The following CDIN1 variants were observed in gnomAD, a reference collection of about 807,000 sequenced individuals.
CDIN1 encodes CDAN1-interacting nuclease 1.
In CDIN1, 33 loss-of-function variants were observed where a neutral mutation model predicts 45.3. That is an observed-to-expected ratio of 0.73 (90% CI 0.55 to 0.97). The LOEUF is 0.97. Among genes scored for constraint, CDIN1 ranks in the 50% least tolerant of loss-of-function variants. The pLI, the probability that CDIN1 is intolerant of heterozygous loss-of-function variation, is 0.00. For missense variants in CDIN1, 303 were observed against 339.4 expected, an observed-to-expected ratio of 0.89 and a Z score of 0.84; for synonymous variants, 118 against 124.4, an observed-to-expected ratio of 0.95 and a Z score of 0.34.
chr15:36,783,672 C>T (rs112966232), intron 10 of CDIN1, among the ~76,000 whole-genome samples: 42 of 152,132 alleles, frequency 2.8e-4, no homozygotes, highest in African/African-American at 9.4e-4. Context: ...ACAGTAAACA[C>T]GGGAAACGTA....
intron 10 of CDIN1, among the ~76,000 whole-genome samples, chr15:36,727,446 T>C (rs1347105132): frequency 1.3e-5 from 2 of 151,834 alleles, no homozygotes; most frequent in African/African-American, 4.8e-5. Flanking sequence ...CTCTTTTCAG[T>C]GGAGTGATGG....
rs71468825 is a variant in CDIN1 at position 36,801,879 on chromosome 15, A to G, written c.717-6445A>G. On this transcript the variant is annotated intron_variant, in intron 10 of 10. Transcript: ENST00000566621. ...TAAATGTGGTGATACTTAAATTGAA[A>G]TAAGTAGCCAGATAAACTTTTTAGC... Among the ~76,000 whole-genome samples the G allele has an allele frequency of 2.1e-3, 325 of 152,338 alleles. 1 individual carries two copies. Among genetic ancestry groups the G allele is most frequent in the Middle Eastern group, 6.8e-3 (2 of 294 alleles).
chr15:36,595,668 G>A (rs1159002312), intron 1 of CDIN1, among the ~76,000 whole-genome samples: 1 of 152,190 alleles, frequency 6.6e-6, no homozygotes, highest in African/African-American at 2.4e-5. Flanking sequence ...CTGAAGCACT[G>A]AGGTTTGATG....
At chr15:36,722,303 A>ATCTC (rs5811928) in intron 10 of CDIN1, among the ~76,000 whole-genome samples, 1,417 of 140,736 alleles carry the variant, frequency 0.01, 15 homozygotes, top group East Asian at 0.031. Flanking sequence ...TTCTTTTGAG[A>ATCTC]TCTCTCTCTC....
chr15:36,611,724 C>T (rs889884639), intron 1 of CDIN1, among the ~76,000 whole-genome samples: 3 of 152,156 alleles, frequency 2.0e-5, no homozygotes, highest in African/African-American at 4.8e-5. Flanking sequence ...CGGAATCGAT[C>T]ATGTCTTGAA....
chr15:36,640,215 C>CA (rs977119140), intron 1 of CDIN1, among the ~76,000 whole-genome samples: 1 of 151,926 alleles, frequency 6.6e-6, no homozygotes, highest in African/African-American at 2.4e-5. Context: ...CTCTACATTT[C>CA]AAATTTGTGT....
chr15:36,598,120 A>T (rs1326188751), intron 1 of CDIN1, among the ~76,000 whole-genome samples: 1 of 152,086 alleles, frequency 6.6e-6, no homozygotes, highest in African/African-American at 2.4e-5. Flanking sequence ...GCTCCCAAGT[A>T]GTTGGGACTA....
chr15:36,752,855 A>T (rs554962928), intron 10 of CDIN1, among the ~76,000 whole-genome samples: 92 of 152,266 alleles, frequency 6.0e-4, no homozygotes, highest in African/African-American at 2.0e-3. Context: ...TGATTTTTTT[A>T]AAAAAGTCCC....
At chr15:36,643,324 T>G (rs1199247016) in intron 1 of CDIN1, among the ~76,000 whole-genome samples, 1 of 152,164 alleles carries the variant, frequency 6.6e-6, no homozygotes, top group African/African-American at 2.4e-5. Context: ...TATTTCACAT[T>G]CCCCAAATTA....
At chr15:36,684,562 A>T (rs558030223) in intron 5 of CDIN1, among the ~76,000 whole-genome samples, 10 of 152,260 alleles carry the variant, frequency 6.6e-5, no homozygotes, top group African/African-American at 1.9e-4. Context: ...TGTCTCTGCC[A>T]GGCTTTGGTA....
Position 36,621,966 on chromosome 15 carries a change from A to G in CDIN1, c.102-22312A>G, listed in dbSNP as rs186698001. 3.4e-4 allele frequency among the ~76,000 whole-genome samples: 51 copies of G among 151,246 alleles called. No homozygotes were observed. The East Asian group carries it at 8.6e-3, about 25-fold the overall frequency. ...TGAAATCCTTCAGTCTGCTGGATTT[A>G]GTGAGATCATAAATTAGCCTCATGG... On this transcript the variant is annotated intron_variant, in intron 1 of 10. Coordinates refer to ENST00000566621, the MANE Select transcript of CDIN1 (RefSeq NM_001321759.2).
At chr15:36,652,522 AG>A (rs2040612987) in intron 3 of CDIN1, among the ~76,000 whole-genome samples, 3 of 152,098 alleles carry the variant, frequency 2.0e-5, no homozygotes, top group Non-Finnish European at 4.4e-5. Context: ...CTTGTTTGTG[AG>A]AAATTGATGT....
chr15:36,648,741 A>C (rs1346593615), intron 3 of CDIN1: 2 of 152,150 alleles, frequency 1.3e-5, no homozygotes, highest in African/African-American at 4.8e-5. Flanking sequence ...CCAATGTTCT[A>C]TTATTGTAAA....
chr15:36,601,087 C>T (rs1566823817), intron 1 of CDIN1, among the ~76,000 whole-genome samples: 1 of 151,792 alleles, frequency 6.6e-6, no homozygotes, highest in East Asian at 1.9e-4. Flanking sequence ...GTAAAAGGTT[C>T]CTTTCAGAGT....
At chr15:36,628,986 C>G (rs903456720) in intron 1 of CDIN1, among the ~76,000 whole-genome samples, 6 of 152,124 alleles carry the variant, frequency 3.9e-5, no homozygotes, top group Non-Finnish European at 5.9e-5. Context: ...AGATGCTGAT[C>G]TTGAAAATTG....
chr15:36,622,737 C>A (rs910172294), intron 1 of CDIN1, among the ~76,000 whole-genome samples: 4 of 152,104 alleles, frequency 2.6e-5, no homozygotes, highest in African/African-American at 4.8e-5. Context: ...ATGGGCAGAC[C>A]CCAGGGTGAG....
intron 10 of CDIN1, among the ~76,000 whole-genome samples, chr15:36,784,703 A>C (rs2054443652): frequency 6.6e-6 from 1 of 151,992 alleles, no homozygotes; most frequent in South Asian, 2.1e-4. Context: ...TGCGTTATCC[A>C]ATCTTATCTC....
chr15:36,790,608 A>G (rs1301776026), intron 10 of CDIN1, among the ~76,000 whole-genome samples: 1 of 152,246 alleles, frequency 6.6e-6, no homozygotes, highest in Non-Finnish European at 1.5e-5. Context: ...TACACATTCT[A>G]CGCATGTAAC....
chr15:36,692,164 C>T lies in CDIN1; in HGVS notation c.465C>T (p.Asp155=). 2 of 1,613,702 alleles carry T rather than the reference C, an allele frequency of 1.2e-6. No homozygotes were observed. Among genetic ancestry groups the T allele is most frequent in the Non-Finnish European group, 1.7e-6 (2 of 1,179,798 alleles). Residue 155 remains aspartate (D), a synonymous_variant, in exon 7 of 11, where the codon GAC becomes GAT. Coordinates refer to ENST00000566621, the MANE Select transcript of CDIN1 (RefSeq NM_001321759.2). The part of the protein sequence containing the change: ...VNDCCYGPLV[D]CIKHAIGHEH... Reference sequence around the variant, plus strand: ...ACTGCTGTTACGGACCACTAGTGGACTGCATCAAGCAGTATCCTTTCCCAT... The same window carrying T: ...ACTGCTGTTACGGACCACTAGTGGATTGCATCAAGCAGTATCCTTTCCCAT...
Sources: allele counts gnomAD v4.1 joint callset (sites outside exome capture counted in the v4.1 genomes callset), GRCh38; gene constraint gnomAD v4.1.1; transcripts MANE v1.5; gene names NCBI Gene and HGNC (gene_info 2026-07-23, HGNC 2026-07-21).